The following NFIL3 variants were observed in gnomAD, a reference collection of about 807,000 sequenced individuals.
The protein encoded by NFIL3 is nuclear factor, interleukin 3 regulated.
A neutral mutation model predicts 10.0 loss-of-function variants in NFIL3; 5 were observed. The observed-to-expected ratio is 0.50, with a 90% CI of 0.26 to 1.06. NFIL3 has a LOEUF of 1.06. Ranked by LOEUF, NFIL3 falls within the 50% of genes least tolerant of loss-of-function variation. The pLI is 0.13. For synonymous variants in NFIL3, 202 were observed against 206.5 expected (o/e 0.98, Z 0.19); for missense variants, 436 against 547.6 (o/e 0.80, Z 2.03).
chr9:91,434,326 C>T, the NFIL3 span, among the ~76,000 whole-genome samples: 1 of 152,114 alleles, frequency 6.6e-6, no homozygotes, highest in Non-Finnish European at 1.5e-5. Flanking sequence ...AGCTTTCAAG[C>T]CTCCCCAAGT....
At chr9:91,434,555 A>G in the NFIL3 span, among the ~76,000 whole-genome samples, 1 of 152,226 alleles carries the variant, frequency 6.6e-6, no homozygotes, top group South Asian at 2.1e-4. Flanking sequence ...TTACAAAAGA[A>G]AAGATAAATA....
chr9:91,446,444 G>A, the NFIL3 span, among the ~76,000 whole-genome samples: 4 of 152,138 alleles, frequency 2.6e-5, no homozygotes, highest in Non-Finnish European at 1.5e-5. Flanking sequence ...CGAGTTCTAC[G>A]AACTTCTAGT....
the NFIL3 span, among the ~76,000 whole-genome samples, chr9:91,449,121 T>G: frequency 6.6e-6 from 1 of 152,190 alleles, no homozygotes; most frequent in Non-Finnish European, 1.5e-5. Flanking sequence ...TTCTTGTGTA[T>G]TCTTTGGAAT....
the NFIL3 span, among the ~76,000 whole-genome samples, chr9:91,471,511 TA>T: frequency 6.6e-6 from 1 of 151,210 alleles, no homozygotes; most frequent in African/African-American, 2.4e-5. Flanking sequence ...TTACTTTTTT[TA>T]AAATTTTATT....
chr9:91,458,419 T>G, the NFIL3 span, among the ~76,000 whole-genome samples: 4 of 152,130 alleles, frequency 2.6e-5, no homozygotes, highest in African/African-American at 9.6e-5. Flanking sequence ...GTCAGATTTA[T>G]TGGCATAATA....
At chr9:91,435,709 C>G in the NFIL3 span, among the ~76,000 whole-genome samples, 1 of 152,228 alleles carries the variant, frequency 6.6e-6, no homozygotes. Flanking sequence ...TATTCTGTGA[C>G]AGTGGTCAAC....
At chr9:91,462,724 G>T in the NFIL3 span, among the ~76,000 whole-genome samples, 1 of 150,026 alleles carries the variant, frequency 6.7e-6, no homozygotes, top group African/African-American at 2.5e-5. Flanking sequence ...AAGTTAGAAA[G>T]TGCCCTCTGT....
At chr9:91,430,531 A>G in the NFIL3 span, among the ~76,000 whole-genome samples, 1 of 152,208 alleles carries the variant, frequency 6.6e-6, no homozygotes, top group South Asian at 2.1e-4. Flanking sequence ...CTGTCACTGG[A>G]AAGACCAGAC....
At chr9:91,478,590 C>A in the NFIL3 span, among the ~76,000 whole-genome samples, 8 of 151,986 alleles carry the variant, frequency 5.3e-5, no homozygotes, top group Admixed American at 4.6e-4. Flanking sequence ...TTAGAACATG[C>A]TCCTTTAGCT....
the NFIL3 span, among the ~76,000 whole-genome samples, chr9:91,462,338 GT>G: frequency 1.3e-5 from 2 of 152,034 alleles, no homozygotes; most frequent in Non-Finnish European, 2.9e-5. Flanking sequence ...GTTAGCGATA[GT>G]TTTTTTGTAA....
chr9:91,479,797 A>G, the NFIL3 span, among the ~76,000 whole-genome samples: 3 of 152,220 alleles, frequency 2.0e-5, no homozygotes, highest in Non-Finnish European at 4.4e-5. Flanking sequence ...CACCCAAGGG[A>G]ATCTCCTGGT....
At chr9:91,416,290 C>G (rs1342493723) in intron 1 of NFIL3, among the ~76,000 whole-genome samples, 1 of 152,094 alleles carries the variant, frequency 6.6e-6, no homozygotes, top group African/African-American at 2.4e-5. Context: ...CAAGACCACA[C>G]AGCAGTTGGG....
rs1195258116 is a variant in NFIL3, at chr9:91,409,336, C to A, written c.*10G>T. The A allele has an allele frequency of 3.2e-6, 5 of 1,541,482 alleles. No individual in the cohort carries two copies. In the Admixed American group the frequency reaches 8.5e-5, roughly 26 times the overall value. On this transcript the variant is annotated 3_prime_UTR_variant, in exon 2 of 2. Coordinates refer to ENST00000297689, the MANE Select transcript of NFIL3 (RefSeq NM_005384.3). ...TCTTTCTAAATGCCCAGCTCTTACT[C>A]AGTAGTAATTTACCCAGAGTCTGAA...
upstream of NFIL3, among the ~76,000 whole-genome samples, chr9:91,424,488 G>A (rs1207290436): frequency 1.3e-5 from 2 of 152,186 alleles, no homozygotes; most frequent in African/African-American, 2.4e-5. Flanking sequence ...GCGGGGAAGG[G>A]GTTGGCGCGG....
At chr9:91,431,204 T>TG in the NFIL3 span, among the ~76,000 whole-genome samples, 1 of 152,132 alleles carries the variant, frequency 6.6e-6, no homozygotes, top group Admixed American at 6.5e-5. Flanking sequence ...TTAAAACACA[T>TG]TGTTTTAAAT....
the NFIL3 span, among the ~76,000 whole-genome samples, chr9:91,466,824 G>A: frequency 2.6e-4 from 40 of 152,218 alleles, no homozygotes; most frequent in Admixed American, 2.0e-3. Flanking sequence ...AATGTTATGC[G>A]TCAACTTGGG....
chr9:91,479,474 G>A, the NFIL3 span, among the ~76,000 whole-genome samples: 1 of 152,202 alleles, frequency 6.6e-6, no homozygotes, highest in African/African-American at 2.4e-5. Context: ...TCAAGCCTCA[G>A]TAATGGCAGA....
intron 1 of NFIL3, among the ~76,000 whole-genome samples, chr9:91,411,670 T>C (rs1166481091): frequency 6.6e-6 from 1 of 152,216 alleles, no homozygotes; most frequent in Non-Finnish European, 1.5e-5. Context: ...GTTTAAGAGA[T>C]TAGAATTTTT....
At chr9:91,426,011 C>T (rs188922889), upstream of NFIL3, among the ~76,000 whole-genome samples, 11 of 152,224 alleles carry the variant, frequency 7.2e-5, no homozygotes, top group South Asian at 1.7e-3. Flanking sequence ...ATTTCAAAGC[C>T]GTTGTAGTAA....
Sources: allele counts gnomAD v4.1 joint callset (sites outside exome capture counted in the v4.1 genomes callset), GRCh38; gene constraint gnomAD v4.1.1; transcripts MANE v1.5; gene names NCBI Gene and HGNC (gene_info 2026-07-23, HGNC 2026-07-21).